Variants in ZNF805 observed in about 807,000 individuals in gnomAD.
The protein encoded by ZNF805 is CTC-444N24.8.
In ZNF805, 7 loss-of-function variants were observed where a neutral mutation model predicts 13.6. The ratio of observed to expected loss-of-function variants is 0.51; its 90% CI spans 0.29 to 0.97. The LOEUF is 0.97. ZNF805 is among the 50% of genes least tolerant of loss of function. ZNF805 has a pLI of 0.08. For missense variants in ZNF805, 604 were observed against 771.0 expected (o/e 0.78, Z 2.57); for synonymous variants, 293 against 279.8 (o/e 1.05, Z -0.47).
rs1468284827 is a variant in ZNF805 at position 57,260,096 on chromosome 19, G to C, written c.*5393G>C. Among the ~76,000 whole-genome samples, 2 of 152,136 alleles carry C rather than the reference G, an allele frequency of 1.3e-5. No homozygotes were observed. Among genetic ancestry groups the C allele is most frequent in the African/African-American group, 4.8e-5 (2 of 41,432 alleles). On this transcript the variant is annotated 3_prime_UTR_variant, in exon 4 of 4. Coordinates refer to ENST00000414468, the MANE Select transcript of ZNF805 (RefSeq NM_001023563.4). ...AAAATCCTCCAGCTCTGTAAGCCTT[G>C]TTATATCCTCAATGGAGAAGGGGTC...
At chr19:57,242,905 T>C (rs2087588351) in intron 1 of ZNF805, among the ~76,000 whole-genome samples, 1 of 152,196 alleles carries the variant, frequency 6.6e-6, no homozygotes, top group Non-Finnish European at 1.5e-5. Context: ...TCCTGTCTCT[T>C]ATATATAAAT....
rs761314539 is a variant in ZNF805, at chr19:57,254,662, C to T, written c.1843C>T (p.Arg615Cys). The change falls in exon 4 of 4, where the codon CGT (arginine) becomes TGT (cysteine). Residue 615 changes from arginine (R) to cysteine (C), a missense_variant. Around this residue, in one of 3 missense-constraint regions of ZNF805, gnomAD observed 49 missense variants for 40.0 expected, o/e 1.23. Transcript: ENST00000414468. ...QEEASYMASD[R>C]TYQRETPQVS... The stretch of plus-strand genomic sequence containing the variant: ...GGAAGCATCTTACATGGCATCTGAT[C>T]GTACATACCAAAGAGAAACCCCACA... 2.5e-6 allele frequency: 4 copies of T among 1,613,566 alleles called. No individual in the cohort carries two copies. The highest frequency in any genetic ancestry group is 2.7e-5 in the African/African-American group (2 of 74,882).
chr19:57,240,788 A>G lies in ZNF805; in HGVS notation c.-104A>G. The G allele has an allele frequency of 1.8e-6, 2 of 1,142,586 alleles. No individual in the cohort carries two copies. Among genetic ancestry groups the G allele is most frequent in the East Asian group, 2.8e-5 (1 of 35,282 alleles). The allele number at this position is 1,142,586 out of a possible 1,614,324, so 70.8% of individuals were successfully genotyped here. On this transcript the variant is annotated 5_prime_UTR_variant, in exon 1 of 4. Transcript: ENST00000414468. ...AACGAGAGAGTTTGACTGTCAGCCA[A>G]GGTCACCGGGCCCGGCGCAGGGAAG...
In ZNF805 at chr19:57,253,216, G is replaced by A; in HGVS notation, c.397G>A (p.Glu133Lys). 6 of 1,559,984 alleles carry A rather than the reference G, an allele frequency of 3.8e-6. No homozygotes were observed. Among genetic ancestry groups the A allele is most frequent in the Non-Finnish European group, 5.2e-6 (6 of 1,151,928 alleles). ...GQPKDQDGFSEMQGERLRPGL... is the reference protein window; with the variant it reads ...GQPKDQDGFSKMQGERLRPGL... ...ACCCAAGGATCAGGATGGGTTTTCAGAAATGCAGGGAGAACGCTTGAGACC... is the reference window on the plus strand; with the variant it reads ...ACCCAAGGATCAGGATGGGTTTTCAAAAATGCAGGGAGAACGCTTGAGACC... The change falls in exon 4 of 4, where the codon GAA becomes AAA. Residue 133 changes from glutamate (E) to lysine (K), a missense_variant. Transcript: ENST00000414468. This position sits in a 1 kb window ranked among gnomAD's most constrained non-coding sequence, Gnocchi z 4.4.
chr19:57,248,752 A>C, intron 3 of ZNF805, 52 bp downstream of exon 3: 1 of 1,458,772 alleles, frequency 6.9e-7, no homozygotes, highest in South Asian at 1.2e-5. Flanking sequence ...TGAGACTTCG[A>C]GGAGACCACT....
chr19:57,244,951 G>C lies in ZNF805; in HGVS notation c.157+902G>C, dbSNP rs533178628. 2.7e-5 allele frequency among the ~76,000 whole-genome samples: 4 copies of C among 149,544 alleles called. No homozygotes were observed. The South Asian group carries it at 8.5e-4, about 32-fold the overall frequency. ...CAGCATAGACTGGCCTCTGTCTGCA[G>C]TTTTTTTTTTGAGTTCCAGAGCGGG... On this transcript the variant is annotated intron_variant, in intron 2 of 3. Transcript: ENST00000414468.
At chr19:57,245,548 GAT>G (rs1465484718) in intron 2 of ZNF805, among the ~76,000 whole-genome samples, 132 of 151,458 alleles carry the variant, frequency 8.7e-4, no homozygotes, top group Non-Finnish European at 1.3e-3. Context: ...GGGAGGCCGA[GAT>G]GGGCGGATCA....
Position 57,255,759 on chromosome 19 carries a change from T to C in ZNF805, c.*1056T>C, listed in dbSNP as rs2122846891. Reference sequence around the variant, plus strand: ...TTGGGAGAATCCTTAGGATTTTAAATATAGAAATGTCATTTGCAATTTGGG... The same window carrying C: ...TTGGGAGAATCCTTAGGATTTTAAACATAGAAATGTCATTTGCAATTTGGG... On this transcript the variant is annotated 3_prime_UTR_variant, in exon 4 of 4. Transcript: ENST00000414468. 6.6e-6 allele frequency among the ~76,000 whole-genome samples: 1 copy of C among 152,298 alleles called. No homozygotes were observed. The highest frequency in any genetic ancestry group is 1.9e-4 in the East Asian group (1 of 5,188).
Position 57,253,085 on chromosome 19 carries a change from A to G in ZNF805, c.266A>G (p.Lys89Arg). The change falls in exon 4 of 4, where the codon AAA (lysine) becomes AGA (arginine). Residue 89 changes from lysine (K) to arginine (R), a missense_variant. Physicochemically the swap from Lys to Arg is conservative, Grantham distance 26. Coordinates refer to ENST00000414468, the MANE Select transcript of ZNF805 (RefSeq NM_001023563.4). This position sits in a 1 kb window ranked among gnomAD's most constrained non-coding sequence, Gnocchi z 4.4. The part of the protein sequence containing the change: ...SQGTCPGDKG[K>R]PKSTEPTTCE... ...GGATTTCTTTCAGGTGACAAAGGAAAACCCAAGAGCACAGAACCTACCACC... is the reference window on the plus strand; with the variant it reads ...GGATTTCTTTCAGGTGACAAAGGAAGACCCAAGAGCACAGAACCTACCACC... 4 of 1,444,186 alleles carry G rather than the reference A, an allele frequency of 2.8e-6. No individual in the cohort carries two copies. The highest frequency in any genetic ancestry group is 3.6e-6 in the Non-Finnish European group (4 of 1,096,848). The allele number at this position is 1,444,186 out of a possible 1,614,324, so 89.5% of individuals were successfully genotyped here.
At position 57,240,741 on chromosome 19, in the gene ZNF805, A is replaced by T; in HGVS notation, c.-151A>T. ...GCCGACAGCGACCTCCGCGTCTCGGAGCGAACCGTGAGCCTCCCCGTAACG... is the reference window on the plus strand; with the variant it reads ...GCCGACAGCGACCTCCGCGTCTCGGTGCGAACCGTGAGCCTCCCCGTAACG... On this transcript the variant is annotated 5_prime_UTR_variant, in exon 1 of 4. Transcript: ENST00000414468. The T allele has an allele frequency of 1.5e-6, 1 of 685,312 alleles. No individual in the cohort carries two copies. The highest frequency in any genetic ancestry group is 3.2e-5 in the East Asian group (1 of 31,078). The allele number at this position is 685,312 out of a possible 1,614,324, so 42.5% of individuals were successfully genotyped here. A position where few individuals can be genotyped will look rare whatever the true frequency, so the allele number is the denominator to read the frequency against.
rs1568492331 is a variant in ZNF805, at chr19:57,259,878, A to G, written c.*5175A>G. Among the ~76,000 whole-genome samples the G allele has an allele frequency of 6.6e-6, 1 of 152,244 alleles. No individual in the cohort carries two copies. The highest frequency in any genetic ancestry group is 1.9e-4 in the East Asian group (1 of 5,200). ...ATACTAAAGGGCTCAGAAAACAGAAAAAACTAAATTCCAGAGTCATGGTTT... is the reference window on the plus strand; with the variant it reads ...ATACTAAAGGGCTCAGAAAACAGAAGAAACTAAATTCCAGAGTCATGGTTT... On this transcript the variant is annotated 3_prime_UTR_variant, in exon 4 of 4. Coordinates refer to ENST00000414468, the MANE Select transcript of ZNF805 (RefSeq NM_001023563.4).
At chr19:57,248,874 G>A (rs918640274) in intron 3 of ZNF805, among the ~76,000 whole-genome samples, 174 bp downstream of exon 3, 2 of 152,114 alleles carry the variant, frequency 1.3e-5, no homozygotes, top group African/African-American at 4.8e-5. Flanking sequence ...CGCACTTGTC[G>A]CCACTCCTGG....
intron 2 of ZNF805, 62 bp from the exon 3 acceptor site, chr19:57,248,543 A>G: frequency 7.1e-7 from 1 of 1,400,020 alleles, no homozygotes; most frequent in Non-Finnish European, 9.9e-7. Flanking sequence ...CCCAGACTAG[A>G]TTGAAGGTCT....
Position 57,262,229 on chromosome 19 carries a change from G to GA in ZNF805, c.*7531dup, listed in dbSNP as rs1345799411. The GA allele has an allele frequency of 4.2e-5, 7 of 166,758 alleles. No individual in the cohort carries two copies. Among genetic ancestry groups the GA allele is most frequent in the African/African-American group, 7.3e-5 (3 of 41,340 alleles). 10.3% of individuals were successfully genotyped at this position (166,758 alleles called of 1,614,324 possible). ...TCTCTTTTTCACAGTAACTTAAATG[G>GA]AAAAATGCTGAGTTAGCTTAAGTTT... On this transcript the variant is annotated 3_prime_UTR_variant, in exon 4 of 4. Transcript: ENST00000414468.
intron 3 of ZNF805, among the ~76,000 whole-genome samples, chr19:57,249,307 T>C (rs2087637632): frequency 6.6e-6 from 1 of 152,190 alleles, no homozygotes; most frequent in African/African-American, 2.4e-5. Flanking sequence ...GAATTGTGGC[T>C]GAGCTGCCTG....
rs140117800 is a variant in ZNF805, at chr19:57,240,855, C to T, written c.-37C>T. The T allele has an allele frequency of 0.024, 37,721 of 1,544,722 alleles. 543 individuals carry two copies. Among genetic ancestry groups the T allele is most frequent in the Non-Finnish European group, 0.029 (33,038 of 1,142,938 alleles). ...AGCCCGCGAGACCCGCCCTGCTCGCCGCAGCCCCCGCCCCGCTAGGGCCAC... is the reference window on the plus strand; with the variant it reads ...AGCCCGCGAGACCCGCCCTGCTCGCTGCAGCCCCCGCCCCGCTAGGGCCAC... On this transcript the variant is annotated 5_prime_UTR_variant, in exon 1 of 4. Coordinates refer to ENST00000414468, the MANE Select transcript of ZNF805 (RefSeq NM_001023563.4).
At chr19:57,245,622 A>G (rs887751006) in intron 2 of ZNF805, among the ~76,000 whole-genome samples, 1 of 149,680 alleles carries the variant, frequency 6.7e-6, no homozygotes, top group African/African-American at 2.5e-5. Flanking sequence ...TACTAAAAAT[A>G]CAAAAAATTA....
chr19:57,248,736 C>T (rs1476122192), intron 3 of ZNF805, 36 bp downstream of exon 3: 10 of 1,534,816 alleles, frequency 6.5e-6, no homozygotes, highest in Non-Finnish European at 7.1e-6. Context: ...GGAGTCCCTG[C>T]TGGCTTGAGA....
rs1433820715 is a variant in ZNF805, at chr19:57,254,444, G to C, written c.1625G>C (p.Ser542Thr). ...IHTGEKPYEC[S>T]ECGKAFSRSS... ...ACTGGAGAGAAGCCGTATGAGTGCA[G>C]TGAATGTGGAAAGGCCTTCAGTCGC... Residue 542 changes from serine to threonine, a missense_variant, in exon 4 of 4, where the codon AGT (serine) becomes ACT (threonine). By Grantham distance (58) the Ser-to-Thr change is moderately conservative. Around this residue, in one of 3 missense-constraint regions of ZNF805, gnomAD observed 228 missense variants for 352.8 expected, o/e 0.65. Coordinates refer to ENST00000414468, the MANE Select transcript of ZNF805 (RefSeq NM_001023563.4). 6.2e-7 allele frequency: 1 copy of C among 1,614,216 alleles called. No homozygotes were observed.
Sources: gnomAD v4.1 joint callset for allele counts (sites outside exome capture counted in the v4.1 genomes callset) on GRCh38, gnomAD v4.1.1 for gene constraint, gnomAD v4.1.1 regional missense constraint, Gnocchi (gnomAD v3.1) non-coding constraint, MANE v1.5 for transcripts, NCBI Gene and HGNC (gene_info 2026-07-23, HGNC 2026-07-21) for gene names.